Variants in MYCBP2 observed in about 807,000 individuals in gnomAD.
The protein encoded by MYCBP2 is MYC binding protein 2.
MYCBP2 carries 120 observed loss-of-function variants against 525.3 expected under a neutral mutation model. The observed-to-expected ratio is 0.23, with a 90% CI of 0.20 to 0.27. MYCBP2 has a LOEUF of 0.27. Among genes scored for constraint, MYCBP2 ranks in the 10% least tolerant of loss-of-function variants. MYCBP2 has a pLI of 1.00. For missense variants in MYCBP2, 4,149 were observed against 5,657.1 expected, an observed-to-expected ratio of 0.73 and a Z score of 8.55; for synonymous variants, 1,894 against 1,955.8, an observed-to-expected ratio of 0.97 and a Z score of 0.83.
At chr13:77,278,106 T>G (rs1358959581) in intron 4 of MYCBP2, among the ~76,000 whole-genome samples, 1 of 152,188 alleles carries the variant, frequency 6.6e-6, no homozygotes. Flanking sequence ...CACAAATAGA[T>G]TTTTATTTAT....
At chr13:77,186,118 G>A (rs1246747094) in intron 30 of MYCBP2, 55 bp from the exon 31 acceptor site, 19 of 1,256,848 alleles carry the variant, frequency 1.5e-5, no homozygotes, top group Non-Finnish European at 1.8e-5. Flanking sequence ...TACCATAAAC[G>A]GAATCAAATG....
intron 71 of MYCBP2, among the ~76,000 whole-genome samples, chr13:77,066,395 C>A (rs753319419): frequency 6.6e-6 from 1 of 152,168 alleles, no homozygotes; most frequent in Non-Finnish European, 1.5e-5. Context: ...TGGAGCTTAA[C>A]CGGAATATAA....
At chr13:77,066,623 A>G (rs2154079113) in intron 71 of MYCBP2, among the ~76,000 whole-genome samples, 1 of 152,342 alleles carries the variant, frequency 6.6e-6, no homozygotes, top group Middle Eastern at 3.4e-3. Context: ...CAAATGCATG[A>G]AAGTTTTAGA....
Position 77,044,965 on chromosome 13 carries a change from C to T in MYCBP2, c.*413G>A, listed in dbSNP as rs1448679112. 2.5e-6 allele frequency: 1 copy of T among 400,120 alleles called. No individual in the cohort carries two copies. Among genetic ancestry groups the T allele is most frequent in the African/African-American group, 2.1e-5 (1 of 48,486 alleles). The allele number at this position is 400,120 out of a possible 1,614,324, so 24.8% of individuals were successfully genotyped here. On this transcript the variant is annotated 3_prime_UTR_variant, in exon 83 of 83. Coordinates refer to ENST00000544440, the MANE Select transcript of MYCBP2 (RefSeq NM_015057.5). ...AGAATATTCCTCTTTTTATCCCCAC[C>T]CGTGATGCAATTGTACAGGATTACA...
At position 77,044,674 on chromosome 13, in the gene MYCBP2, T is replaced by C. The variant is rs1304210519; in HGVS notation, c.*704A>G. On this transcript the variant is annotated 3_prime_UTR_variant, in exon 83 of 83. Coordinates refer to ENST00000544440, the MANE Select transcript of MYCBP2 (RefSeq NM_015057.5). ...CACAGTGGTAGACTTTATCACTGTA[T>C]AAAAATGTACAGTGGTTTTATTGAC... 2 of 398,540 alleles carry C rather than the reference T, an allele frequency of 5.0e-6. No homozygotes were observed. The highest frequency in any genetic ancestry group is 3.6e-5 in the East Asian group (1 of 27,988). 24.7% of individuals were successfully genotyped at this position (398,540 alleles called of 1,614,324 possible).
intron 44 of MYCBP2, among the ~76,000 whole-genome samples, chr13:77,160,310 G>A (rs2057753625): frequency 6.6e-6 from 1 of 152,142 alleles, no homozygotes; most frequent in Non-Finnish European, 1.5e-5. Context: ...GTATGATCGT[G>A]GGCGAACTGC....
At position 77,266,746 on chromosome 13, in the gene MYCBP2, GAAAA is replaced by G. The variant is rs56408804; in HGVS notation, c.1357+1091_1357+1094del. Among the ~76,000 whole-genome samples, 17 of 89,412 alleles carry G rather than the reference GAAAA, an allele frequency of 1.9e-4. No individual in the cohort carries two copies. The East Asian group carries it at 2.8e-3, about 15-fold the overall frequency. The allele number at this position is 89,412 out of a possible 152,430, so 58.7% of individuals were successfully genotyped here. A position where few individuals can be genotyped will look rare whatever the true frequency, so the allele number is the denominator to read the frequency against. ...AAAGACATGGTCCAGGACTTGTAAT[GAAAA>G]AAAAAAAAAAAAAAAAAACCCTGTA... On this transcript the variant is annotated intron_variant, in intron 8 of 82. Coordinates refer to ENST00000544440, the MANE Select transcript of MYCBP2 (RefSeq NM_015057.5).
chr13:77,164,148 T>A (rs966750794), intron 43 of MYCBP2, among the ~76,000 whole-genome samples: 3 of 152,182 alleles, frequency 2.0e-5, no homozygotes, highest in African/African-American at 7.2e-5. Flanking sequence ...TTAAGAAATA[T>A]CTAGAACTTT....
At chr13:77,166,255 A>T in intron 41 of MYCBP2, 74 bp downstream of exon 41, 1 of 1,032,102 alleles carries the variant, frequency 9.7e-7, no homozygotes, top group Non-Finnish European at 1.4e-6. Flanking sequence ...AAACATTTTC[A>T]ATGATACACC....
At chr13:77,089,960 T>C (rs1344871977) in intron 60 of MYCBP2, 146 bp downstream of exon 60, 5 of 647,228 alleles carry the variant, frequency 7.7e-6, no homozygotes, top group East Asian at 3.0e-5. Context: ...AGCTATGTCA[T>C]ATAGAAGGAA....
chr13:77,225,987 C>A (rs1265501421), intron 18 of MYCBP2, among the ~76,000 whole-genome samples: 1 of 152,166 alleles, frequency 6.6e-6, no homozygotes, highest in Non-Finnish European at 1.5e-5. Flanking sequence ...AATGGATTCA[C>A]AAGTGACTTA....
At chr13:77,071,309 A>ACACACACACACAC (rs755286964) in intron 68 of MYCBP2, among the ~76,000 whole-genome samples, 1 of 149,142 alleles carries the variant, frequency 6.7e-6, no homozygotes, top group Admixed American at 6.6e-5. Flanking sequence ...ACACACACAC[A>ACACACACACACAC]AATCTTATCT....
intron 55 of MYCBP2, 129 bp downstream of exon 55, chr13:77,121,244 T>C: frequency 1.1e-6 from 1 of 871,558 alleles, no homozygotes. Context: ...CATTTTTTAT[T>C]AGCTTTCCAT....
chr13:77,303,144 C>T (rs1356435769), intron 1 of MYCBP2, among the ~76,000 whole-genome samples: 1 of 152,198 alleles, frequency 6.6e-6, no homozygotes, highest in Admixed American at 6.5e-5. Flanking sequence ...ACCAGCCTCA[C>T]CAACATGGTG....
At chr13:77,077,608 GT>G in intron 66 of MYCBP2, 1 of 461,806 alleles carries the variant, frequency 2.2e-6, no homozygotes, top group Non-Finnish European at 3.7e-6. Context: ...GTTAATACAG[GT>G]TAAGGGATTT....
Position 77,098,981 on chromosome 13 carries a change from G to A in MYCBP2, c.8173C>T (p.Pro2725Ser). 1.2e-6 allele frequency: 2 copies of A among 1,610,136 alleles called. No homozygotes were observed. The highest frequency in any genetic ancestry group is 1.7e-6 in the Non-Finnish European group (2 of 1,179,552). Residue 2725 changes from proline to serine, a missense_variant, in exon 56 of 83, where the codon CCA becomes TCA. Pro to Ser is a moderately conservative substitution (Grantham distance 74). Around this residue, in one of 21 missense-constraint regions of MYCBP2, gnomAD observed 653 missense variants for 744.7 expected, o/e 0.88. Transcript: ENST00000544440. ...TCTGATTTTCCTGATGTAGAGGCTG[G>A]TTTAGAAGATGTTGAGATGTTTCCT... ...DRGNISTSSK[P>S]ASTSGKSELS...
rs2061546442 is a variant in MYCBP2 at position 77,194,252 on chromosome 13, A to G, written c.3844-8T>C. On this transcript the variant is annotated splice_polypyrimidine_tract_variant and splice_region_variant and intron_variant, in intron 26 of 82. Coordinates refer to ENST00000544440, the MANE Select transcript of MYCBP2 (RefSeq NM_015057.5). ...AGGACCCAATTCAAACAGCTAAGGA[A>G]AGGAGAAAGACAATCATTTATATAA... 1 of 1,591,656 alleles carries G rather than the reference A, an allele frequency of 6.3e-7. No homozygotes were observed. The highest frequency in any genetic ancestry group is 1.3e-5 in the African/African-American group (1 of 74,596).
chr13:77,058,151 T>C lies in MYCBP2; in HGVS notation c.13329+67A>G. 1.3e-6 allele frequency: 2 copies of C among 1,545,918 alleles called. No individual in the cohort carries two copies. The highest frequency in any genetic ancestry group is 2.3e-5 in the East Asian group (1 of 43,368). On this transcript the variant is annotated intron_variant, in intron 78 of 82. Transcript: ENST00000544440. This position sits in a 1 kb window ranked among gnomAD's most constrained non-coding sequence, Gnocchi z 4.1. ...CACTGCGCCCGGCCTCAATCAATGT[T>C]TATTTGACAAATATATTCCCCATCT...
At chr13:77,198,897 G>T (rs2062068322) in intron 26 of MYCBP2, among the ~76,000 whole-genome samples, 1 of 152,240 alleles carries the variant, frequency 6.6e-6, no homozygotes, top group Non-Finnish European at 1.5e-5. Context: ...GCCACCAGAA[G>T]TTCCACAGAA....
Sources: gnomAD v4.1 joint callset for allele counts (sites outside exome capture counted in the v4.1 genomes callset) on GRCh38, gnomAD v4.1.1 for gene constraint, gnomAD v4.1.1 regional missense constraint, Gnocchi (gnomAD v3.1) non-coding constraint, MANE v1.5 for transcripts, NCBI Gene and HGNC (gene_info 2026-07-23, HGNC 2026-07-21) for gene names.